The following HACE1 variants were observed in gnomAD, a reference collection of about 807,000 sequenced individuals.
HACE1 encodes E3 ubiquitin-protein ligase HACE1.
In HACE1, 73 loss-of-function variants were observed where a neutral mutation model predicts 118.4. The observed-to-expected ratio is 0.62, with a 90% confidence interval of 0.51 to 0.75. The LOEUF is 0.75. Among genes scored for constraint, HACE1 ranks in the 30% least tolerant of loss-of-function variants. HACE1 has a pLI of 0.00. For missense variants in HACE1, 749 were observed against 1,102.2 expected, an observed-to-expected ratio of 0.68 and a Z score of 4.54; for synonymous variants, 368 against 374.8, an observed-to-expected ratio of 0.98 and a Z score of 0.21.
At chr6:104,857,643 T>C (rs1301305713) in intron 1 of HACE1, among the ~76,000 whole-genome samples, 1 of 151,590 alleles carries the variant, frequency 6.6e-6, no homozygotes, top group Non-Finnish European at 1.5e-5. Context: ...ATTAAGCCTA[T>C]TGAAGAATAC....
chr6:104,756,692 T>C (rs1368666574), intron 19 of HACE1, among the ~76,000 whole-genome samples: 3 of 151,732 alleles, frequency 2.0e-5, no homozygotes, highest in African/African-American at 7.3e-5. Flanking sequence ...TTGGGACTGG[T>C]TGGACAGTGG....
intron 17 of HACE1, among the ~76,000 whole-genome samples, chr6:104,774,687 T>C (rs1442140157): frequency 7.2e-5 from 11 of 152,090 alleles, no homozygotes; most frequent in Admixed American, 5.9e-4. Context: ...CCCAAGCAGG[T>C]ATCATCATTT....
intron 5 of HACE1, among the ~76,000 whole-genome samples, chr6:104,839,177 C>T (rs529109904): frequency 6.6e-5 from 10 of 152,248 alleles, no homozygotes; most frequent in South Asian, 2.1e-4. Flanking sequence ...ATAGCCACTA[C>T]GGAAAACAAC....
At chr6:104,801,926 T>A (rs1468456869) in intron 7 of HACE1, among the ~76,000 whole-genome samples, 1 of 148,586 alleles carries the variant, frequency 6.7e-6, no homozygotes, top group Non-Finnish European at 1.5e-5. Context: ...GGATAAAGAG[T>A]CAAGACCCAT....
At chr6:104,782,193 A>G (rs1781812178) in intron 14 of HACE1, among the ~76,000 whole-genome samples, 1 of 152,212 alleles carries the variant, frequency 6.6e-6, no homozygotes, top group Admixed American at 6.5e-5. Context: ...GTGTAGGTTA[A>G]GAAATTGAAC....
At position 104,859,570 on chromosome 6, in the gene HACE1, C is replaced by G. The variant is rs1264205142; in HGVS notation, c.73G>C (p.Glu25Gln). Residue 25 changes from glutamate (E) to glutamine (Q), a missense_variant, in exon 1 of 24, where the codon GAG becomes CAG. Glu to Gln is a conservative substitution (Grantham distance 29). This residue lies in a region of HACE1 where 120 missense variants were observed against 219.1 expected (regional missense o/e 0.55). Coordinates refer to ENST00000262903, the MANE Select transcript of HACE1 (RefSeq NM_020771.4). ...LRRARTVELP[E>Q]DNETAVYTLM... ...CTGGCCCCGCGACCCGGCTCACCCT[C>G]GGGCAACTCCACGGTGCGCGCGCGG... is the stretch of plus-strand genomic sequence containing the variant. 3 of 1,523,500 alleles carry G rather than the reference C, an allele frequency of 2.0e-6. No homozygotes were observed. Among genetic ancestry groups the G allele is most frequent in the Non-Finnish European group, 2.6e-6 (3 of 1,140,742 alleles). 94.4% of individuals were successfully genotyped at this position (1,523,500 alleles called of 1,614,324 possible). A position where few individuals can be genotyped will look rare whatever the true frequency, so the allele number is the denominator to read the frequency against.
intron 5 of HACE1, among the ~76,000 whole-genome samples, chr6:104,835,806 A>C (rs111520756): frequency 2.0e-5 from 3 of 152,346 alleles, no homozygotes; most frequent in African/African-American, 7.2e-5. Context: ...AGGACAAAGT[A>C]GATTCTATAA....
chr6:104,747,942 C>T (rs1777609624), intron 20 of HACE1, among the ~76,000 whole-genome samples: 1 of 151,784 alleles, frequency 6.6e-6, no homozygotes, highest in South Asian at 2.1e-4. Context: ...AATGTAAGAG[C>T]CACAATTAAA....
chr6:104,822,203 T>TAAAA (rs58454908), intron 6 of HACE1, among the ~76,000 whole-genome samples: 2 of 102,930 alleles, frequency 1.9e-5, no homozygotes, highest in African/African-American at 8.2e-5. Flanking sequence ...CCGTCTCTAC[T>TAAAA]AAAAAAAAAA....
At position 104,811,313 on chromosome 6, in the gene HACE1, G is replaced by C; in HGVS notation, c.615C>G (p.Cys205Trp). Residue 205 changes from cysteine to tryptophan, a missense_variant and splice_region_variant, in exon 7 of 24, where the codon TGC (cysteine) becomes TGG (tryptophan). By Grantham distance (215) the Cys-to-Trp change is radical (BLOSUM62 -2). Coordinates refer to ENST00000262903, the MANE Select transcript of HACE1 (RefSeq NM_020771.4). ...TCTGGAAATATAAAATATCATACCT[G>C]CAAGCAAAGTACAATGGAGTTGCTC... Reference protein sequence around the residue: ...VSGATPLYFACSHGQRDTAQI... With the variant: ...VSGATPLYFAWSHGQRDTAQI... The C allele has an allele frequency of 7.9e-7, 1 of 1,265,672 alleles. No individual in the cohort carries two copies. Among genetic ancestry groups the C allele is most frequent in the Non-Finnish European group, 1.1e-6 (1 of 875,022 alleles). 78.4% of individuals were successfully genotyped at this position (1,265,672 alleles called of 1,614,324 possible). A position where few individuals can be genotyped will look rare whatever the true frequency, so the allele number is the denominator to read the frequency against.
chr6:104,730,937 T>C (rs918249529), intron 22 of HACE1: 6 of 156,376 alleles, frequency 3.8e-5, no homozygotes, highest in Admixed American at 3.7e-4. Context: ...TTGTTTTTTA[T>C]AGTGGAAAAA....
chr6:104,785,031 C>A lies in HACE1; in HGVS notation c.1363G>T (p.Val455Phe). ...CAGCACATGTAAAAAGCTTGAATGACAGCACTTAGCCGGTTAGCTGTCATA... is the reference window on the plus strand; with the variant it reads ...CAGCACATGTAAAAAGCTTGAATGAAAGCACTTAGCCGGTTAGCTGTCATA... ...ISMTANRLSA[V>F]IQAFYMCCSC... is the part of the protein sequence containing the mutation. The change falls in exon 12 of 24, where the codon GTC (valine) becomes TTC (phenylalanine). Residue 455 changes from valine to phenylalanine, a missense_variant. Transcript: ENST00000262903. 1 of 1,613,788 alleles carries A rather than the reference C, an allele frequency of 6.2e-7. No homozygotes were observed. The highest frequency in any genetic ancestry group is 8.5e-7 in the Non-Finnish European group (1 of 1,179,886).
chr6:104,778,951 C>T (rs978926931), intron 14 of HACE1, among the ~76,000 whole-genome samples: 11 of 152,152 alleles, frequency 7.2e-5, no homozygotes, highest in Admixed American at 2.0e-4. Flanking sequence ...TTTTATGTAT[C>T]GTGAGTTTAA....
chr6:104,846,471 T>C (rs1331606703), intron 4 of HACE1, among the ~76,000 whole-genome samples: 1 of 152,204 alleles, frequency 6.6e-6, no homozygotes, highest in Non-Finnish European at 1.5e-5. Flanking sequence ...GCACCAATTA[T>C]AGGGAGCTTA....
chr6:104,807,042 G>C (rs1368951699), intron 7 of HACE1, among the ~76,000 whole-genome samples: 1 of 101,842 alleles, frequency 9.8e-6, no homozygotes, highest in African/African-American at 3.7e-5. Flanking sequence ...TTTTTTTCTT[G>C]AGATGGAGTC....
At chr6:104,773,448 T>C (rs1221103856) in intron 17 of HACE1, among the ~76,000 whole-genome samples, 1 of 152,202 alleles carries the variant, frequency 6.6e-6, no homozygotes, top group African/African-American at 2.4e-5. Context: ...AAATAAGTCA[T>C]GTGAGTCTCA....
At chr6:104,839,627 G>T (rs1177492554) in intron 5 of HACE1, among the ~76,000 whole-genome samples, 1 of 152,100 alleles carries the variant, frequency 6.6e-6, no homozygotes, top group African/African-American at 2.4e-5. Flanking sequence ...ATGTACACAG[G>T]TAATAAAACT....
rs1777138945 is a variant in HACE1, at chr6:104,859,790, G to A, written c.-148C>T. 1 of 686,002 alleles carries A rather than the reference G, an allele frequency of 1.5e-6. No homozygotes were observed. Among genetic ancestry groups the A allele is most frequent in the Non-Finnish European group, 2.3e-6 (1 of 434,928 alleles). 42.5% of individuals were successfully genotyped at this position (686,002 alleles called of 1,614,324 possible). A position where few individuals can be genotyped will look rare whatever the true frequency, so the allele number is the denominator to read the frequency against. On this transcript the variant is annotated 5_prime_UTR_variant, in exon 1 of 24. Transcript: ENST00000262903. Reference sequence around the variant, plus strand: ...GCACTGAGCTGCGAGGGCTGCCTGGGGCCACGTCCTGCGTCCGGGGGCCGG... The same window carrying A: ...GCACTGAGCTGCGAGGGCTGCCTGGAGCCACGTCCTGCGTCCGGGGGCCGG...
At chr6:104,851,075 G>T (rs923830993) in intron 2 of HACE1, 79 bp from the exon 3 acceptor site, 17 of 825,050 alleles carry the variant, frequency 2.1e-5, no homozygotes, top group African/African-American at 8.4e-5. Context: ...CAACTCTTTA[G>T]CTGCTCTGTT....
Sources: allele counts gnomAD v4.1 joint callset (sites outside exome capture counted in the v4.1 genomes callset), GRCh38; gene constraint gnomAD v4.1.1; regional missense constraint gnomAD v4.1.1; transcripts MANE v1.5; gene names NCBI Gene and HGNC (gene_info 2026-07-23, HGNC 2026-07-21).